CLUAP1: variants seen among roughly 807,000 people sequenced by gnomAD.
CLUAP1 encodes the protein clusterin-associated protein 1.
CLUAP1 carries 50 observed loss-of-function variants against 55.0 expected under a neutral mutation model. The ratio of observed to expected loss-of-function variants is 0.91; its 90% CI spans 0.72 to 1.15. The LOEUF is 1.15. Among genes scored for constraint, CLUAP1 ranks in the 50% most tolerant of loss-of-function variants. The pLI is 0.00. For missense variants in CLUAP1, 530 were observed against 507.6 expected (o/e 1.04, Z -0.42); for synonymous variants, 195 against 175.4 (o/e 1.11, Z -0.88).
intron 6 of CLUAP1, among the ~76,000 whole-genome samples, chr16:3,516,110 G>C (rs1235734284): frequency 1.3e-5 from 2 of 152,168 alleles, no homozygotes; most frequent in African/African-American, 4.8e-5. Flanking sequence ...TACCCTCTCT[G>C]TGCCTCATTT....
chr16:3,527,791 G>GTC (rs1220499002), intron 9 of CLUAP1, among the ~76,000 whole-genome samples: 2 of 152,124 alleles, frequency 1.3e-5, no homozygotes, highest in African/African-American at 2.4e-5. Flanking sequence ...GGCGTAAGCT[G>GTC]TCTCTCTCTC....
chr16:3,506,465 G>A (rs1217844169), intron 3 of CLUAP1, 50 bp downstream of exon 3: 2 of 1,392,184 alleles, frequency 1.4e-6, no homozygotes, highest in Admixed American at 1.7e-5. Context: ...AAACTAGAAA[G>A]GATGACTCCT....
At position 3,535,962 on chromosome 16, in the gene CLUAP1, T is replaced by C. The variant is rs964972861; in HGVS notation, c.1093-160T>C. ...AAATTCCAGCTGGCAGTACATAGCC[T>C]CAGTCCCATCTGTATGCCCTCCCAC... On this transcript the variant is annotated intron_variant, in intron 11 of 11. Coordinates refer to ENST00000576634, the MANE Select transcript of CLUAP1 (RefSeq NM_015041.3). 47 of 727,562 alleles carry C rather than the reference T, an allele frequency of 6.5e-5. 2 individuals are homozygous for C. In the South Asian group the frequency reaches 8.7e-4, roughly 13 times the overall value. 45.1% of individuals were successfully genotyped at this position (727,562 alleles called of 1,614,324 possible).
intron 9 of CLUAP1, among the ~76,000 whole-genome samples, chr16:3,528,293 C>T (rs537139184): frequency 6.6e-6 from 1 of 152,292 alleles, no homozygotes; most frequent in South Asian, 2.1e-4. Flanking sequence ...GCATCAGGCC[C>T]ACACACATGC....
intron 8 of CLUAP1, among the ~76,000 whole-genome samples, chr16:3,523,668 TC>T (rs1233657825): frequency 9.2e-5 from 14 of 152,206 alleles, no homozygotes; most frequent in Admixed American, 8.5e-4. Flanking sequence ...TTTCCACTGA[TC>T]CCAAAAATTA....
At chr16:3,530,829 G>A (rs1266137745) in intron 10 of CLUAP1, among the ~76,000 whole-genome samples, 154 bp downstream of exon 10, 4 of 152,198 alleles carry the variant, frequency 2.6e-5, no homozygotes, top group Non-Finnish European at 5.9e-5. Flanking sequence ...CTGTCCTGTT[G>A]TTTATGGCTC....
In CLUAP1 at chr16:3,530,611, C is replaced by T. The variant is rs768297470; in HGVS notation, c.972C>T (p.Ser324=). The part of the protein sequence containing the change: ...SDIDIQEDDE[S]DSELEERRLP... Reference sequence around the variant, plus strand: ...TAGACATCCAGGAGGACGATGAATCCGACAGTGAGTTGGAAGAAAGGCGGC... The same window carrying T: ...TAGACATCCAGGAGGACGATGAATCTGACAGTGAGTTGGAAGAAAGGCGGC... Residue 324 remains serine (S), a synonymous_variant, in exon 10 of 12, where the codon TCC becomes TCT. Transcript: ENST00000576634. 19 of 1,613,782 alleles carry T rather than the reference C, an allele frequency of 1.2e-5. No homozygotes were observed. The highest frequency in any genetic ancestry group is 4.5e-5 in the East Asian group (2 of 44,874).
chr16:3,505,407 G>A (rs187866838), intron 2 of CLUAP1, among the ~76,000 whole-genome samples: 12 of 151,672 alleles, frequency 7.9e-5, no homozygotes, highest in Non-Finnish European at 1.5e-4. Context: ...GCGGGCGCCT[G>A]TGGTCCCAGC....
chr16:3,529,809 T>TAAC (rs2038071909), intron 9 of CLUAP1, among the ~76,000 whole-genome samples: 1 of 46,552 alleles, frequency 2.1e-5, no homozygotes, highest in African/African-American at 9.3e-5. Flanking sequence ...TTATTATATA[T>TAAC]ATATTATAAT....
intron 4 of CLUAP1, among the ~76,000 whole-genome samples, chr16:3,509,489 G>A (rs1364709087): frequency 2.0e-5 from 3 of 152,214 alleles, no homozygotes; most frequent in Non-Finnish European, 2.9e-5. Context: ...TGGAAGCAGC[G>A]AGCCTGTTTG....
chr16:3,505,877 T>C (rs2037497072), intron 2 of CLUAP1, among the ~76,000 whole-genome samples: 1 of 152,250 alleles, frequency 6.6e-6, no homozygotes, highest in African/African-American at 2.4e-5. Context: ...CTCTTCTTTT[T>C]GTTAAAATGT....
intron 5 of CLUAP1, chr16:3,515,237 T>A: frequency 3.8e-6 from 1 of 263,250 alleles, no homozygotes; most frequent in Non-Finnish European, 7.0e-6. Context: ...GGAGAAAAGA[T>A]AATGGATGCT....
chr16:3,507,362 G>C (rs111650182), intron 3 of CLUAP1, among the ~76,000 whole-genome samples: 2 of 151,794 alleles, frequency 1.3e-5, no homozygotes, highest in African/African-American at 4.8e-5. Context: ...AGAACAGCCT[G>C]GGTGATGTAG....
rs76431235 is a variant in CLUAP1 at position 3,513,142 on chromosome 16, C to T, written c.495+664C>T. 1.9e-3 allele frequency among the ~76,000 whole-genome samples: 287 copies of T among 152,282 alleles called. 1 individual carries two copies. The highest frequency in any genetic ancestry group is 2.6e-3 in the Non-Finnish European group (180 of 68,028). On this transcript the variant is annotated intron_variant, in intron 5 of 11. Coordinates refer to ENST00000576634, the MANE Select transcript of CLUAP1 (RefSeq NM_015041.3). ...AATGATCTTCTGAGCTTGCAGTTCC[C>T]CGACCTTGCTGCCCAGTGCAAACAC...
intron 10 of CLUAP1, among the ~76,000 whole-genome samples, chr16:3,530,937 A>G (rs2038103836): frequency 6.6e-6 from 1 of 152,154 alleles, no homozygotes; most frequent in South Asian, 2.1e-4. Context: ...ACAAGAACAC[A>G]TTGCCTCTGC....
At chr16:3,500,861 G>C, upstream of CLUAP1, 4 of 591,226 alleles carry the variant, frequency 6.8e-6, no homozygotes, top group Middle Eastern at 4.5e-4. Flanking sequence ...CACGCCCTCT[G>C]CCCTCGGCGT....
At chr16:3,532,445 C>T (rs1311969168) in intron 10 of CLUAP1, among the ~76,000 whole-genome samples, 4 of 102,826 alleles carry the variant, frequency 3.9e-5, no homozygotes, top group African/African-American at 1.1e-4. Flanking sequence ...GACAGAATCT[C>T]ATTCTGTCGT....
intron 11 of CLUAP1, chr16:3,534,658 T>C (rs993598993): frequency 2.0e-5 from 3 of 152,210 alleles, no homozygotes; most frequent in African/African-American, 7.2e-5. Context: ...CTAAGAACCA[T>C]CAGGTTTTGT....
intron 5 of CLUAP1, among the ~76,000 whole-genome samples, chr16:3,513,650 A>T (rs897952314): frequency 2.6e-5 from 4 of 152,016 alleles, no homozygotes; most frequent in African/African-American, 9.7e-5. Flanking sequence ...GGGTTTCATC[A>T]TGTTGGCCAG....
Sources: gnomAD v4.1 joint callset for allele counts (sites outside exome capture counted in the v4.1 genomes callset) on GRCh38, gnomAD v4.1.1 for gene constraint, MANE v1.5 for transcripts, NCBI Gene and HGNC (gene_info 2026-07-23, HGNC 2026-07-21) for gene names.